BAZ1A: variants seen among roughly 807,000 people sequenced by gnomAD.
The protein encoded by BAZ1A is bromodomain adjacent to zinc finger domain protein 1A.
In BAZ1A, 50 loss-of-function variants were observed where a neutral mutation model predicts 185.2. The ratio of observed to expected loss-of-function variants is 0.27; its 90% CI spans 0.22 to 0.34. BAZ1A has a LOEUF of 0.34. Ranked by LOEUF, BAZ1A falls within the 10% of genes least tolerant of loss-of-function variation. The probability of loss-of-function intolerance (pLI) is 1.00; values close to 1 mark genes in which losing one functional copy is unlikely to be tolerated. For missense variants in BAZ1A, 1,356 were observed against 1,839.9 expected (o/e 0.74, Z 4.81); for synonymous variants, 571 against 615.6 (o/e 0.93, Z 1.07).
chr14:34,810,872 T>G, intron 5 of BAZ1A, 63 bp downstream of exon 5: 1 of 1,207,882 alleles, frequency 8.3e-7, no homozygotes, highest in Non-Finnish European at 1.2e-6. Flanking sequence ...CATCAGACCT[T>G]CTTAATCTAA....
chr14:34,753,783 A>G, intron 26 of BAZ1A, 79 bp from the exon 27 acceptor site: 4 of 1,221,136 alleles, frequency 3.3e-6, no homozygotes, highest in Middle Eastern at 2.9e-4. Context: ...TCATATCTGG[A>G]AATTTTATTA....
rs772368271 is a variant in BAZ1A, at chr14:34,826,099, A to T, written c.450T>A (p.Asn150Lys). Residue 150 changes from asparagine (N) to lysine (K), a missense_variant, in exon 4 of 27, where the codon AAT (asparagine) becomes AAA (lysine). By Grantham distance (94) the Asn-to-Lys change is moderately conservative. Around this residue, in one of 7 missense-constraint regions of BAZ1A, gnomAD observed 332 missense variants for 395.3 expected, o/e 0.84. Coordinates refer to ENST00000360310, the MANE Select transcript of BAZ1A (RefSeq NM_013448.3). The stretch of plus-strand genomic sequence containing the variant: ...CTCCATCCACACTGTTAACATGTCC[A>T]TTAGCAAAACCATTTTGATGTGATG... ...LPPSHQNGFA[N>K]GHVNSVDGET... 2 of 1,612,780 alleles carry T rather than the reference A, an allele frequency of 1.2e-6. No individual in the cohort carries two copies. The highest frequency in any genetic ancestry group is 1.7e-5 in the Admixed American group (1 of 59,896).
chr14:34,874,641 C>A lies in BAZ1A; in HGVS notation c.-37G>T. On this transcript the variant is annotated 5_prime_UTR_variant, in exon 2 of 27. Coordinates refer to ENST00000360310, the MANE Select transcript of BAZ1A (RefSeq NM_013448.3). The surrounding 1 kb of genome is among the most constrained non-coding windows in gnomAD (Gnocchi z 4.7). The stretch of plus-strand genomic sequence containing the variant: ...CCGCGGGCTCGCCTGGACCCTCGGC[C>A]GCCCGCGCCGGCCCCGCTTCCCTAT... 6.6e-7 allele frequency: 1 copy of A among 1,526,376 alleles called. No homozygotes were observed. The highest frequency in any genetic ancestry group is 8.9e-7 in the Non-Finnish European group (1 of 1,118,628). 94.6% of individuals were successfully genotyped at this position (1,526,376 alleles called of 1,614,324 possible). A position where few individuals can be genotyped will look rare whatever the true frequency, so the allele number is the denominator to read the frequency against.
intron 3 of BAZ1A, among the ~76,000 whole-genome samples, chr14:34,834,192 A>G (rs1450472014): frequency 6.6e-6 from 1 of 152,228 alleles, no homozygotes; most frequent in East Asian, 1.9e-4. Context: ...ATCAGGGCTC[A>G]TAATATTACT....
At chr14:34,859,080 A>C (rs1252035322) in intron 3 of BAZ1A, among the ~76,000 whole-genome samples, 1 of 152,210 alleles carries the variant, frequency 6.6e-6, no homozygotes, top group Non-Finnish European at 1.5e-5. Context: ...TGGTACAGGT[A>C]CATCCCTTTA....
At chr14:34,869,038 C>T (rs1323452429) in intron 2 of BAZ1A, among the ~76,000 whole-genome samples, 1 of 150,786 alleles carries the variant, frequency 6.6e-6, no homozygotes, top group Non-Finnish European at 1.5e-5. Context: ...AACCTCGTCT[C>T]TACTAAAAAT....
At chr14:34,828,387 C>T (rs911358775) in intron 3 of BAZ1A, among the ~76,000 whole-genome samples, 1 of 151,986 alleles carries the variant, frequency 6.6e-6, no homozygotes, top group African/African-American at 2.4e-5. Flanking sequence ...TCTCTCCACA[C>T]TCCCTCTTGT....
chr14:34,867,249 ACT>A (rs931172451), intron 2 of BAZ1A, among the ~76,000 whole-genome samples: 2 of 151,886 alleles, frequency 1.3e-5, no homozygotes, highest in African/African-American at 4.8e-5. Context: ...ACAGAGCGAG[ACT>A]CTGTCTCAAA....
At chr14:34,819,651 A>G (rs368691898) in intron 4 of BAZ1A, among the ~76,000 whole-genome samples, 4 of 152,156 alleles carry the variant, frequency 2.6e-5, no homozygotes, top group Admixed American at 2.6e-4. Context: ...GTCTTTATGT[A>G]CCACAGTTTA....
At position 34,753,497 on chromosome 14, in the gene BAZ1A, G is replaced by C. The variant is rs1190389640; in HGVS notation, c.*11C>G. 1 of 1,613,484 alleles carries C rather than the reference G, an allele frequency of 6.2e-7. No homozygotes were observed. Among genetic ancestry groups the C allele is most frequent in the Non-Finnish European group, 8.5e-7 (1 of 1,179,704 alleles). On this transcript the variant is annotated 3_prime_UTR_variant, in exon 27 of 27. Transcript: ENST00000360310. ...TGTTTTTCTTCAAATATATCCTTTA[G>C]AAGGACAAAGTCAGATTCGTGACTT...
intron 15 of BAZ1A, 23 bp downstream of exon 15, chr14:34,783,734 TAACAC>T: frequency 6.3e-7 from 1 of 1,594,026 alleles, no homozygotes; most frequent in Non-Finnish European, 8.5e-7. Context: ...CAGCTTTCAT[TAACAC>T]AACTATTACA....
intron 9 of BAZ1A, among the ~76,000 whole-genome samples, chr14:34,799,092 A>G (rs540384818): frequency 2.6e-5 from 4 of 151,876 alleles, no homozygotes; most frequent in Admixed American, 6.6e-5. Flanking sequence ...CAGGGACATG[A>G]ATGAAGCTGG....
intron 3 of BAZ1A, among the ~76,000 whole-genome samples, chr14:34,849,075 C>T (rs778672552): frequency 6.6e-6 from 1 of 152,144 alleles, no homozygotes; most frequent in Admixed American, 6.6e-5. Context: ...TGAGGCAGAT[C>T]GCACAAGGCC....
rs1225939081 is a variant in BAZ1A at position 34,784,367 on chromosome 14, C to CCAAAAAAAAA, written c.1832-441_1832-440insTTTTTTTTTG. ...TGGGCAACTGAGTGAGACTCTGTCT[C>CCAAAAAAAAA]AAAAAAAAAAAAAAAAAAAAAAAAA... On this transcript the variant is annotated intron_variant, in intron 14 of 26. Coordinates refer to ENST00000360310, the MANE Select transcript of BAZ1A (RefSeq NM_013448.3). Among the ~76,000 whole-genome samples the CCAAAAAAAAA allele has an allele frequency of 2.6e-3, 199 of 77,170 alleles. 28 individuals are homozygous for CCAAAAAAAAA. The highest frequency in any genetic ancestry group is 0.01 in the Middle Eastern group (1 of 98). The allele number at this position is 77,170 out of a possible 152,430, so 50.6% of individuals were successfully genotyped here. A position where few individuals can be genotyped will look rare whatever the true frequency, so the allele number is the denominator to read the frequency against.
chr14:34,810,882 A>G, intron 5 of BAZ1A, 53 bp downstream of exon 5: 2 of 1,288,858 alleles, frequency 1.6e-6, no homozygotes, highest in South Asian at 1.3e-5. Context: ...TCTTAATCTA[A>G]CATACATAAT....
chr14:34,829,072 C>T (rs2042202463), intron 3 of BAZ1A, among the ~76,000 whole-genome samples: 1 of 152,290 alleles, frequency 6.6e-6, no homozygotes, highest in African/African-American at 2.4e-5. Flanking sequence ...TCAAGACCAG[C>T]TTGGCCAACA....
At chr14:34,779,574 C>T (rs1261574385) in intron 17 of BAZ1A, among the ~76,000 whole-genome samples, 4 of 151,916 alleles carry the variant, frequency 2.6e-5, no homozygotes, top group Admixed American at 6.6e-5. Context: ...AGATCCCATG[C>T]AAATTATAGG....
Position 34,813,481 on chromosome 14 carries a change from G to A in BAZ1A, c.537-2445C>T, listed in dbSNP as rs137944495. Among the ~76,000 whole-genome samples, 936 of 151,832 alleles carry A rather than the reference G, an allele frequency of 6.2e-3. 17 individuals carry two copies. Among genetic ancestry groups the A allele is most frequent in the African/African-American group, 0.022 (904 of 41,398 alleles). On this transcript the variant is annotated intron_variant, in intron 4 of 26. Coordinates refer to ENST00000360310, the MANE Select transcript of BAZ1A (RefSeq NM_013448.3). ...GTGGATCACCTGAGGTCAGGAGTTG[G>A]AGACCAGCCTGGCTAACATGGTGAA...
Position 34,758,558 on chromosome 14 carries a change from C to T in BAZ1A, c.4386+146G>A, listed in dbSNP as rs560410972. On this transcript the variant is annotated intron_variant, in intron 25 of 26. Coordinates refer to ENST00000360310, the MANE Select transcript of BAZ1A (RefSeq NM_013448.3). ...TCGCGCCACTGCACTCCAGCCTGGGCGACAGAGTGAGACTGTCTCAGGAAA... is the reference window on the plus strand; with the variant it reads ...TCGCGCCACTGCACTCCAGCCTGGGTGACAGAGTGAGACTGTCTCAGGAAA... 2.2e-4 allele frequency: 175 copies of T among 787,352 alleles called. 2 individuals are homozygous for T. The South Asian group carries it at 2.6e-3, about 12-fold the overall frequency. 48.8% of individuals were successfully genotyped at this position (787,352 alleles called of 1,614,324 possible). A position where few individuals can be genotyped will look rare whatever the true frequency, so the allele number is the denominator to read the frequency against.
Sources: gnomAD v4.1 joint callset for allele counts (sites outside exome capture counted in the v4.1 genomes callset) on GRCh38, gnomAD v4.1.1 for gene constraint, gnomAD v4.1.1 regional missense constraint, Gnocchi (gnomAD v3.1) non-coding constraint, MANE v1.5 for transcripts, NCBI Gene and HGNC (gene_info 2026-07-23, HGNC 2026-07-21) for gene names.